CNTN6: variants seen among roughly 807,000 people sequenced by gnomAD.
The protein encoded by CNTN6 is contactin 6.
Under a neutral mutation model 122.8 loss-of-function variants are expected in CNTN6, and 137 were observed. The ratio of observed to expected loss-of-function variants is 1.12; its 90% CI spans 0.97 to 1.29. CNTN6 has a LOEUF of 1.29. Ranked by LOEUF, CNTN6 falls within the 50% of genes most tolerant of loss-of-function variation. CNTN6 has a pLI of 0.00. For synonymous variants in CNTN6, 570 were observed against 426.0 expected (o/e 1.34, Z -4.16); for missense variants, 1,634 against 1,223.4 (o/e 1.34, Z -5.01).
intron 2 of CNTN6, among the ~76,000 whole-genome samples, chr3:1,190,221 C>T (rs531018485): frequency 7.9e-5 from 12 of 152,236 alleles, no homozygotes; most frequent in African/African-American, 2.4e-4. Flanking sequence ...TTTTTATAAG[C>T]GCACTATCCC....
At chr3:1,094,763 GT>G (rs74310069) in intron 1 of CNTN6, among the ~76,000 whole-genome samples, 6,441 of 147,918 alleles carry the variant, frequency 0.044, 198 homozygotes, top group South Asian at 0.067. Context: ...ATACTTCTGG[GT>G]TTTTTTTTTA....
At chr3:1,305,666 C>CT (rs148058240) in intron 7 of CNTN6, among the ~76,000 whole-genome samples, 102 of 152,018 alleles carry the variant, frequency 6.7e-4, no homozygotes, top group Non-Finnish European at 9.0e-4. Context: ...ACATATTTTC[C>CT]TTTTTTTAAA....
At chr3:1,282,030 G>A (rs1382256590) in intron 5 of CNTN6, among the ~76,000 whole-genome samples, 1 of 151,582 alleles carries the variant, frequency 6.6e-6, no homozygotes, top group Non-Finnish European at 1.5e-5. Context: ...AGGAGAGTAA[G>A]AAAAAGTATC....
rs1408032304 is a variant in CNTN6, at chr3:1,157,821, G to T, written c.55+9758G>T. Among the ~76,000 whole-genome samples, 4 of 152,146 alleles carry T rather than the reference G, an allele frequency of 2.6e-5. No individual in the cohort carries two copies. In the South Asian group the frequency reaches 8.3e-4, roughly 32 times the overall value. On this transcript the variant is annotated intron_variant, in intron 2 of 22. Coordinates refer to ENST00000446702, the MANE Select transcript of CNTN6 (RefSeq NM_001289080.2). ...TCCATCCATGTTGTTTCAAATGGCA[G>T]AATCTGGTTCTTTTTTATGACTGAA... is the stretch of plus-strand genomic sequence containing the variant.
intron 4 of CNTN6, among the ~76,000 whole-genome samples, chr3:1,252,555 A>G (rs1320941164): frequency 2.6e-5 from 4 of 152,216 alleles, no homozygotes; most frequent in Non-Finnish European, 5.9e-5. Flanking sequence ...AATACAACAA[A>G]CACTTTAAAA....
intron 12 of CNTN6, among the ~76,000 whole-genome samples, chr3:1,354,930 C>A (rs954361429): frequency 1.5e-4 from 23 of 151,624 alleles, no homozygotes; most frequent in African/African-American, 5.1e-4. Context: ...GGGGTACAAG[C>A]CTGAACCTAC....
At chr3:1,269,279 C>T (rs2094982311) in intron 4 of CNTN6, among the ~76,000 whole-genome samples, 1 of 152,194 alleles carries the variant, frequency 6.6e-6, no homozygotes, top group East Asian at 1.9e-4. Flanking sequence ...GATAGTCTGA[C>T]CCTAAACTTG....
intron 2 of CNTN6, among the ~76,000 whole-genome samples, chr3:1,152,966 CATCTT>C (rs2092881068): frequency 1.3e-5 from 2 of 152,132 alleles, no homozygotes; most frequent in Admixed American, 1.3e-4. Context: ...ATATTCATAT[CATCTT>C]AAGAATTTCT....
chr3:1,324,670 G>T (rs1701289259), intron 8 of CNTN6, among the ~76,000 whole-genome samples: 1 of 149,550 alleles, frequency 6.7e-6, no homozygotes, highest in Non-Finnish European at 1.5e-5. Flanking sequence ...GGATCGTGTT[G>T]GTGGTCAACT....
Position 1,147,911 on chromosome 3 carries a change from A to T in CNTN6, c.-82-16A>T. On this transcript the variant is annotated splice_polypyrimidine_tract_variant and intron_variant, in intron 1 of 22. Coordinates refer to ENST00000446702, the MANE Select transcript of CNTN6 (RefSeq NM_001289080.2). ...TTTGTACGTTTTTCATTTCATGACA[A>T]TTTTGTCTTTTTCAGACTCTTGAGA... The T allele has an allele frequency of 1.3e-6, 1 of 761,770 alleles. No homozygotes were observed. Among genetic ancestry groups the T allele is most frequent in the Non-Finnish European group, 2.3e-6 (1 of 442,982 alleles). The allele number at this position is 761,770 out of a possible 1,614,324, so 47.2% of individuals were successfully genotyped here.
intron 20 of CNTN6, among the ~76,000 whole-genome samples, chr3:1,387,623 G>C (rs879800538): frequency 6.6e-6 from 1 of 152,180 alleles, no homozygotes; most frequent in African/African-American, 2.4e-5. Context: ...GTGAAGACGC[G>C]TGATTTCTGC....
At chr3:1,246,968 C>A (rs771100019) in intron 4 of CNTN6, among the ~76,000 whole-genome samples, 1 of 151,954 alleles carries the variant, frequency 6.6e-6, no homozygotes, top group Non-Finnish European at 1.5e-5. Flanking sequence ...TGTCGCTTGC[C>A]TTTTCACTCT....
Position 1,276,494 on chromosome 3 carries a change from C to T in CNTN6, c.359-1919C>T, listed in dbSNP as rs963086311. ...TTAAATTTAAACCAAATGTATTGTA[C>T]GTACATAGCTCACGATATGCTGCTT... On this transcript the variant is annotated intron_variant, in intron 4 of 22. Coordinates refer to ENST00000446702, the MANE Select transcript of CNTN6 (RefSeq NM_001289080.2). Among the ~76,000 whole-genome samples, 9 of 152,126 alleles carry T rather than the reference C, an allele frequency of 5.9e-5. No individual in the cohort carries two copies. The East Asian group carries it at 7.7e-4, about 13-fold the overall frequency.
At chr3:1,379,764 C>T (rs1311463918) in intron 17 of CNTN6, among the ~76,000 whole-genome samples, 1 of 151,972 alleles carries the variant, frequency 6.6e-6, no homozygotes, top group Non-Finnish European at 1.5e-5. Flanking sequence ...ATCGGTTTCC[C>T]ATTTATCACT....
At chr3:1,332,495 AAAGGAAGGAAGG>A (rs71056331) in intron 11 of CNTN6, among the ~76,000 whole-genome samples, 1 of 118,550 alleles carries the variant, frequency 8.4e-6, no homozygotes, top group Admixed American at 9.3e-5. Flanking sequence ...AGGAAGGAAA[AAAGGAAGGAAGG>A]AAGGAAGGAA....
intron 4 of CNTN6, among the ~76,000 whole-genome samples, chr3:1,266,388 C>T (rs1039244376): frequency 2.0e-5 from 3 of 152,080 alleles, no homozygotes; most frequent in South Asian, 2.1e-4. Context: ...GTCACTCTCC[C>T]GAATTCCAGT....
chr3:1,372,189 G>A, intron 12 of CNTN6, 110 bp from the exon 13 acceptor site: 1 of 717,384 alleles, frequency 1.4e-6, no homozygotes, highest in Non-Finnish European at 2.1e-6. Flanking sequence ...TAGAACTCCA[G>A]GTTGCATTTA....
chr3:1,212,527 ATATATATAC>A (rs2094059775), intron 2 of CNTN6, among the ~76,000 whole-genome samples: 1 of 151,178 alleles, frequency 6.6e-6, no homozygotes, highest in African/African-American at 2.4e-5. Flanking sequence ...ATGTGTGTGT[ATATATATAC>A]ACACACACAT....
At chr3:1,274,958 C>T (rs187671682) in intron 4 of CNTN6, among the ~76,000 whole-genome samples, 24 of 152,126 alleles carry the variant, frequency 1.6e-4, no homozygotes, top group South Asian at 8.3e-4. Flanking sequence ...GACCACCCAA[C>T]GCCCCCACCC....
Sources: allele counts gnomAD v4.1 joint callset (sites outside exome capture counted in the v4.1 genomes callset), GRCh38; gene constraint gnomAD v4.1.1; transcripts MANE v1.5; gene names NCBI Gene and HGNC (gene_info 2026-07-23, HGNC 2026-07-21).